Variants in PRRX2 observed in about 807,000 individuals in gnomAD.
The protein encoded by PRRX2 is paired mesoderm homeobox protein 2.
In PRRX2, 11 loss-of-function variants were observed where a neutral mutation model predicts 18.0. The observed-to-expected ratio is 0.61, with a 90% CI of 0.39 to 1.01. PRRX2 has a LOEUF of 1.01. PRRX2 is among the 50% of genes least tolerant of loss of function. The pLI is 0.01. For synonymous variants in PRRX2, 177 were observed against 154.8 expected (o/e 1.14, Z -1.06); for missense variants, 387 against 351.0 (o/e 1.10, Z -0.82).
chr9:129,670,024 A>G (rs1163820716), intron 1 of PRRX2, among the ~76,000 whole-genome samples: 1 of 145,106 alleles, frequency 6.9e-6, no homozygotes, highest in Non-Finnish European at 1.5e-5. Context: ...GGCACCCAGC[A>G]GTCTGCTTCC....
chr9:129,673,696 C>T (rs1832127928), intron 1 of PRRX2, among the ~76,000 whole-genome samples: 1 of 148,958 alleles, frequency 6.7e-6, no homozygotes, highest in South Asian at 2.1e-4. Flanking sequence ...ACACGCCCCT[C>T]ATCACGAGGG....
At chr9:129,684,559 T>C (rs1445378164) in intron 1 of PRRX2, among the ~76,000 whole-genome samples, 1 of 147,114 alleles carries the variant, frequency 6.8e-6, no homozygotes, top group Admixed American at 6.8e-5. Context: ...ACCAGAAATC[T>C]CCGAAAAAGT....
In PRRX2 at chr9:129,714,520, G is replaced by A. The variant is rs887836917; in HGVS notation, c.260-4711G>A. ...ACTTGGCACCACTCCTGTCCCAACC[G>A]GCTCTGGCTGAGCGCATCCCATCAC... On this transcript the variant is annotated intron_variant, in intron 1 of 3. Coordinates refer to ENST00000372469, the MANE Select transcript of PRRX2 (RefSeq NM_016307.4). Among the ~76,000 whole-genome samples, 7 of 152,068 alleles carry A rather than the reference G, an allele frequency of 4.6e-5. 1 individual carries two copies. In the South Asian group the frequency reaches 1.5e-3, roughly 32 times the overall value.
chr9:129,699,675 C>T (rs767494762), intron 1 of PRRX2, among the ~76,000 whole-genome samples: 9 of 152,100 alleles, frequency 5.9e-5, no homozygotes, highest in Non-Finnish European at 1.2e-4. Flanking sequence ...GCTATGCATC[C>T]GCCCGGAATA....
intron 1 of PRRX2, among the ~76,000 whole-genome samples, chr9:129,699,554 A>C (rs182165428): frequency 1.1e-4 from 16 of 152,202 alleles, no homozygotes; most frequent in African/African-American, 3.4e-4. Flanking sequence ...TATAGTGCAT[A>C]CAAATTTTCA....
chr9:129,715,520 G>C lies in PRRX2; in HGVS notation c.260-3711G>C, dbSNP rs1832692562. ...GTGGGGGAATTGCTTGAGCCCAGGA[G>C]GTCGAGGCTGCAGTGTGTTACGATT... On this transcript the variant is annotated intron_variant, in intron 1 of 3. Coordinates refer to ENST00000372469, the MANE Select transcript of PRRX2 (RefSeq NM_016307.4). This position sits in a 1 kb window ranked among gnomAD's most constrained non-coding sequence, Gnocchi z 4.0. Among the ~76,000 whole-genome samples, 1 of 152,176 alleles carries C rather than the reference G, an allele frequency of 6.6e-6. No individual in the cohort carries two copies. Among genetic ancestry groups the C allele is most frequent in the Admixed American group, 6.5e-5 (1 of 15,276 alleles).
intron 1 of PRRX2, among the ~76,000 whole-genome samples, chr9:129,692,159 A>T (rs1832368587): frequency 6.6e-6 from 1 of 151,330 alleles, no homozygotes; most frequent in Admixed American, 6.6e-5. Context: ...TGTGTTGACC[A>T]GGCTGGTCTC....
At chr9:129,678,084 C>T (rs1452069283) in intron 1 of PRRX2, among the ~76,000 whole-genome samples, 2 of 151,602 alleles carry the variant, frequency 1.3e-5, no homozygotes, top group Admixed American at 6.6e-5. Flanking sequence ...CTGCCTCAGC[C>T]TCTCGAGTAG....
intron 1 of PRRX2, among the ~76,000 whole-genome samples, chr9:129,669,726 AGG>A (rs1436691194): frequency 2.0e-5 from 3 of 152,084 alleles, no homozygotes; most frequent in Non-Finnish European, 4.4e-5. Flanking sequence ...ATCTGTTCAT[AGG>A]GGTGGGTCTG....
chr9:129,705,062 A>G (rs1401454820), intron 1 of PRRX2, among the ~76,000 whole-genome samples: 1 of 152,234 alleles, frequency 6.6e-6, no homozygotes, highest in Non-Finnish European at 1.5e-5. Flanking sequence ...CAGACGGGAC[A>G]GACATGAACC....
At chr9:129,667,320 A>G (rs902774247) in intron 1 of PRRX2, among the ~76,000 whole-genome samples, 4 of 152,116 alleles carry the variant, frequency 2.6e-5, no homozygotes, top group African/African-American at 9.7e-5. Flanking sequence ...AGAAAAGGGG[A>G]GGGAGATGTC....
chr9:129,666,184 G>GGCCGGA, intron 1 of PRRX2, 58 bp downstream of exon 1: 1 of 993,196 alleles, frequency 1.0e-6, no homozygotes, highest in African/African-American at 1.8e-5. Flanking sequence ...CCGGGGCCGG[G>GGCCGGA]GCGCGGGGTC....
At chr9:129,673,827 G>A (rs1332509160) in intron 1 of PRRX2, among the ~76,000 whole-genome samples, 2 of 152,204 alleles carry the variant, frequency 1.3e-5, no homozygotes, top group African/African-American at 4.8e-5. Context: ...TGCCTTTTGC[G>A]AGGTGGTGAG....
chr9:129,677,099 G>A (rs535416666), intron 1 of PRRX2, among the ~76,000 whole-genome samples: 22 of 152,318 alleles, frequency 1.4e-4, no homozygotes, highest in East Asian at 5.8e-4. Flanking sequence ...GCGCATGTGC[G>A]TGTTGTTTTG....
chr9:129,714,389 C>T (rs1202019889), intron 1 of PRRX2, among the ~76,000 whole-genome samples: 6 of 143,908 alleles, frequency 4.2e-5, no homozygotes, highest in African/African-American at 1.3e-4. Flanking sequence ...GGGGACAGAG[C>T]GATACTCTGT....
intron 1 of PRRX2, among the ~76,000 whole-genome samples, chr9:129,694,096 G>T (rs1832392922): frequency 6.6e-6 from 1 of 152,144 alleles, no homozygotes; most frequent in Non-Finnish European, 1.5e-5. Context: ...ACTAGCAGGC[G>T]ATCAGGAGTG....
At position 129,709,789 on chromosome 9, in the gene PRRX2, C is replaced by T. The variant is rs1305082310; in HGVS notation, c.260-9442C>T. ...CCGGCCTCCCCCAGCCTCTTCCTCA[C>T]TCGGAGGACGTGTCCTCACCAGGCC... On this transcript the variant is annotated intron_variant, in intron 1 of 3. Transcript: ENST00000372469. This position sits in a 1 kb window ranked among gnomAD's most constrained non-coding sequence, Gnocchi z 4.2. Among the ~76,000 whole-genome samples the T allele has an allele frequency of 1.3e-5, 2 of 152,030 alleles. No individual in the cohort carries two copies. The highest frequency in any genetic ancestry group is 4.8e-5 in the African/African-American group (2 of 41,400).
At chr9:129,707,449 T>G (rs1445579874) in intron 1 of PRRX2, among the ~76,000 whole-genome samples, 1 of 152,130 alleles carries the variant, frequency 6.6e-6, no homozygotes, top group African/African-American at 2.4e-5. Flanking sequence ...CATTCACCAG[T>G]TGAAGGACAT....
chr9:129,717,695 CAAAAAAAAAAA>C, intron 1 of PRRX2, among the ~76,000 whole-genome samples: 1 of 82,528 alleles, frequency 1.2e-5, no homozygotes, highest in South Asian at 4.4e-4. Flanking sequence ...GACTCCGCCT[CAAAAAAAAAAA>C]AAAAAAAAGA....
Sources: gnomAD v4.1 joint callset for allele counts (sites outside exome capture counted in the v4.1 genomes callset) on GRCh38, gnomAD v4.1.1 for gene constraint, Gnocchi (gnomAD v3.1) non-coding constraint, MANE v1.5 for transcripts, NCBI Gene and HGNC (gene_info 2026-07-23, HGNC 2026-07-21) for gene names.